The following CSMD1 variants were observed in gnomAD, a reference collection of about 807,000 sequenced individuals.
The protein encoded by CSMD1 is CUB and sushi domain-containing protein 1.
Under a neutral mutation model 417.5 loss-of-function variants are expected in CSMD1, and 213 were observed. The observed-to-expected ratio is 0.51, with a 90% confidence interval of 0.46 to 0.57. CSMD1 has a LOEUF of 0.57. Among genes scored for constraint, CSMD1 ranks in the 20% least tolerant of loss-of-function variants. CSMD1 has a pLI of 0.00. For synonymous variants in CSMD1, 2,862 were observed against 1,736.8 expected, an observed-to-expected ratio of 1.65 and a Z score of -16.11; for missense variants, 6,923 against 4,529.7, an observed-to-expected ratio of 1.53 and a Z score of -15.17.
At chr8:3,160,451 G>C (rs954718014) in intron 38 of CSMD1, among the ~76,000 whole-genome samples, 1 of 152,262 alleles carries the variant, frequency 6.6e-6, no homozygotes, top group Admixed American at 6.5e-5. Context: ...CATATCAGGT[G>C]GATCAGGAAC....
At chr8:3,049,699 A>G (rs1458950399) in intron 50 of CSMD1, among the ~76,000 whole-genome samples, 1 of 152,092 alleles carries the variant, frequency 6.6e-6, no homozygotes, top group Admixed American at 6.5e-5. Flanking sequence ...GATCCCTGTC[A>G]TTACACATTT....
At chr8:4,927,501 C>T (rs78569765) in intron 1 of CSMD1, among the ~76,000 whole-genome samples, 5,628 of 152,156 alleles carry the variant, frequency 0.037, 146 homozygotes, top group Non-Finnish European at 0.054. Context: ...CTTAGCTCTG[C>T]GATGCCAGTC....
At chr8:4,245,957 A>T (rs1802682063) in intron 3 of CSMD1, among the ~76,000 whole-genome samples, 1 of 152,300 alleles carries the variant, frequency 6.6e-6, no homozygotes, top group East Asian at 1.9e-4. Flanking sequence ...TAAACAATAC[A>T]ATCTATCAGG....
intron 1 of CSMD1, among the ~76,000 whole-genome samples, chr8:4,720,466 G>A (rs898331983): frequency 1.3e-5 from 2 of 152,104 alleles, no homozygotes; most frequent in African/African-American, 2.4e-5. Flanking sequence ...CACTCATGCT[G>A]GAGTGCAGAG....
At chr8:4,348,179 T>C (rs1800883188) in intron 3 of CSMD1, among the ~76,000 whole-genome samples, 2 of 152,178 alleles carry the variant, frequency 1.3e-5, no homozygotes, top group Admixed American at 6.5e-5. Flanking sequence ...GCATATGATC[T>C]CTGGATATGG....
intron 5 of CSMD1, among the ~76,000 whole-genome samples, chr8:3,816,942 C>A (rs754119893): frequency 6.6e-6 from 1 of 151,812 alleles, no homozygotes; most frequent in Non-Finnish European, 1.5e-5. Flanking sequence ...TTCTAGGCAG[C>A]GAATCAAGAG....
chr8:4,525,740 G>T (rs1796480783), intron 2 of CSMD1, among the ~76,000 whole-genome samples: 1 of 152,234 alleles, frequency 6.6e-6, no homozygotes, highest in South Asian at 2.1e-4. Context: ...GTCATCACAT[G>T]GGCAATGCTT....
chr8:3,455,044 C>A (rs1021877805), intron 12 of CSMD1, among the ~76,000 whole-genome samples: 1 of 152,190 alleles, frequency 6.6e-6, no homozygotes, highest in Non-Finnish European at 1.5e-5. Context: ...CTTCTCCTCT[C>A]GCTTCATTTC....
intron 3 of CSMD1, among the ~76,000 whole-genome samples, chr8:4,353,202 G>A (rs946354370): frequency 6.6e-6 from 1 of 152,160 alleles, no homozygotes; most frequent in Admixed American, 6.5e-5. Context: ...TGTGGAGCCA[G>A]GTGGAGACAA....
At chr8:4,912,135 A>AAAAAAAAAAAGAAAAG (rs765904838) in intron 1 of CSMD1, among the ~76,000 whole-genome samples, 3 of 115,612 alleles carry the variant, frequency 2.6e-5, no homozygotes, top group Admixed American at 9.3e-5. Flanking sequence ...AAAAAAAAAA[A>AAAAAAAAAAAGAAAAG]AAAAAAGAAA....
intron 50 of CSMD1, among the ~76,000 whole-genome samples, chr8:3,046,624 C>G (rs1487082532): frequency 6.6e-6 from 1 of 152,114 alleles, no homozygotes; most frequent in Non-Finnish European, 1.5e-5. Context: ...CAGTGTACCC[C>G]CAGGCAGGCC....
intron 26 of CSMD1, among the ~76,000 whole-genome samples, chr8:3,241,212 G>A (rs1799489313): frequency 6.6e-6 from 1 of 151,370 alleles, no homozygotes; most frequent in Non-Finnish European, 1.5e-5. Flanking sequence ...GGCAGGTGGG[G>A]ATAACTAAAA....
At chr8:4,303,692 CT>C (rs1175322431) in intron 3 of CSMD1, among the ~76,000 whole-genome samples, 2 of 151,874 alleles carry the variant, frequency 1.3e-5, no homozygotes, top group African/African-American at 4.8e-5. Flanking sequence ...GTCTTGCTCT[CT>C]TGCCCAGACT....
At chr8:4,482,378 G>T (rs550895677) in intron 2 of CSMD1, among the ~76,000 whole-genome samples, 2 of 152,140 alleles carry the variant, frequency 1.3e-5, no homozygotes, top group Non-Finnish European at 2.9e-5. Context: ...AGTTTGCTAA[G>T]GATAATGGCC....
At chr8:4,444,405 A>C (rs1476406496) in intron 2 of CSMD1, among the ~76,000 whole-genome samples, 1 of 148,254 alleles carries the variant, frequency 6.7e-6, no homozygotes, top group East Asian at 2.0e-4. Context: ...GGTCATGCTG[A>C]ATGTGGTGCT....
At chr8:4,243,815 C>T (rs1437368816) in intron 3 of CSMD1, among the ~76,000 whole-genome samples, 1 of 152,110 alleles carries the variant, frequency 6.6e-6, no homozygotes, top group African/African-American at 2.4e-5. Context: ...GTCATCTTTA[C>T]AATGAAACAA....
chr8:3,936,179 T>C (rs545132506), intron 5 of CSMD1, among the ~76,000 whole-genome samples: 3 of 68,022 alleles, frequency 4.4e-5, no homozygotes, highest in African/African-American at 1.1e-4. Flanking sequence ...GTTCATAGGG[T>C]TTAAGAAAAA....
intron 3 of CSMD1, among the ~76,000 whole-genome samples, chr8:4,295,922 C>T (rs2128870322): frequency 6.6e-6 from 1 of 151,606 alleles, no homozygotes; most frequent in East Asian, 1.9e-4. Flanking sequence ...TTACTCCCAT[C>T]TCAGGAACAC....
intron 5 of CSMD1, among the ~76,000 whole-genome samples, chr8:3,865,486 A>C (rs1428463342): frequency 3.9e-5 from 6 of 151,954 alleles, no homozygotes; most frequent in East Asian, 1.9e-4. Flanking sequence ...GTGCTCTGGG[A>C]AATCAGAAAA....
Sources: allele counts gnomAD v4.1 joint callset (sites outside exome capture counted in the v4.1 genomes callset), GRCh38; gene constraint gnomAD v4.1.1; transcripts MANE v1.5; gene names NCBI Gene and HGNC (gene_info 2026-07-23, HGNC 2026-07-21).